The following TBC1D5 variants were observed in gnomAD, a reference collection of about 807,000 sequenced individuals.
The protein encoded by TBC1D5 is TBC1 domain family member 5, also known as TBC1 domain family, member 5.
TBC1D5 carries 75 observed loss-of-function variants against 100.3 expected under a neutral mutation model. The ratio of observed to expected loss-of-function variants is 0.75; its 90% CI spans 0.62 to 0.91. The LOEUF (loss-of-function observed/expected upper bound fraction) is 0.91. TBC1D5 is among the 40% of genes least tolerant of loss of function. The probability of loss-of-function intolerance (pLI) is 0.00; values close to 1 mark genes in which losing one functional copy is unlikely to be tolerated. For missense variants in TBC1D5, 910 were observed against 942.4 expected (o/e 0.97, Z 0.45); for synonymous variants, 323 against 325.6 (o/e 0.99, Z 0.09).
At chr3:17,560,148 C>T (rs770300722) in intron 2 of TBC1D5, among the ~76,000 whole-genome samples, 3 of 152,096 alleles carry the variant, frequency 2.0e-5, no homozygotes, top group Non-Finnish European at 4.4e-5. Flanking sequence ...TCTGACTGTA[C>T]CTGCCAACTT....
At chr3:17,625,984 T>C (rs1007310920) in intron 1 of TBC1D5, among the ~76,000 whole-genome samples, 2 of 152,178 alleles carry the variant, frequency 1.3e-5, no homozygotes, top group Non-Finnish European at 2.9e-5. Context: ...ATTATTTTAA[T>C]GTCGGGCACC....
chr3:17,483,993 G>T (rs1295096124), intron 3 of TBC1D5, among the ~76,000 whole-genome samples: 2 of 152,092 alleles, frequency 1.3e-5, no homozygotes, highest in East Asian at 1.9e-4. Context: ...TATCTTCAAA[G>T]AATTCTCTCA....
At chr3:17,240,068 T>A (rs2076183695) in intron 16 of TBC1D5, among the ~76,000 whole-genome samples, 2 of 152,226 alleles carry the variant, frequency 1.3e-5, no homozygotes, top group South Asian at 4.1e-4. Context: ...ATGGTAATTC[T>A]ACCTTTTATA....
In TBC1D5 at chr3:17,354,917, T is replaced by C. The variant is rs376404730; in HGVS notation, c.995+17158A>G. On this transcript the variant is annotated intron_variant, in intron 13 of 21. Transcript: ENST00000253692. Reference sequence around the variant, plus strand: ...ACGGACAAATTCAGTATGCATACAATTTGTGAGAATAGAAATTTGTTGTTG... The same window carrying C: ...ACGGACAAATTCAGTATGCATACAACTTGTGAGAATAGAAATTTGTTGTTG... 1.0e-3 allele frequency among the ~76,000 whole-genome samples: 156 copies of C among 152,118 alleles called. 2 individuals are homozygous for C. The South Asian group carries it at 0.018, about 18-fold the overall frequency.
chr3:17,478,623 T>C lies in TBC1D5; in HGVS notation c.97+29851A>G, dbSNP rs138482665. 6.6e-5 allele frequency among the ~76,000 whole-genome samples: 10 copies of C among 152,336 alleles called. No homozygotes were observed. The East Asian group carries it at 1.7e-3, about 26-fold the overall frequency. ...ATTGTTCACTGCTAGTATACAAAAA[T>C]ACAATTTTTGCTACCTCTAACAATT... is the stretch of plus-strand genomic sequence containing the variant. On this transcript the variant is annotated intron_variant, in intron 3 of 21. Transcript: ENST00000253692.
intron 15 of TBC1D5, among the ~76,000 whole-genome samples, chr3:17,277,607 G>C (rs780954380): frequency 3.3e-5 from 5 of 152,174 alleles, no homozygotes; most frequent in Non-Finnish European, 5.9e-5. Context: ...AAGGGTAATC[G>C]AGCTGAAATG....
chr3:17,263,188 C>T (rs2078494589), intron 15 of TBC1D5, among the ~76,000 whole-genome samples: 1 of 151,470 alleles, frequency 6.6e-6, no homozygotes, highest in South Asian at 2.1e-4. Context: ...TCGGTGACTG[C>T]GAGATCCTAT....
intron 15 of TBC1D5, among the ~76,000 whole-genome samples, chr3:17,286,689 C>G (rs2081225643): frequency 6.6e-6 from 1 of 152,190 alleles, no homozygotes; most frequent in African/African-American, 2.4e-5. Flanking sequence ...GGGCCACTTA[C>G]ATATATGGCA....
exon 6 of TBC1D5, chr3:17,404,953 A>G: frequency 6.3e-7 from 1 of 1,583,092 alleles, no homozygotes; most frequent in Non-Finnish European, 8.6e-7. Context: ...GAAGAACACA[A>G]AGAAATAGCT....
In TBC1D5 at chr3:17,690,459, G is replaced by A. The variant is rs1488218299; in HGVS notation, c.-101+48884C>T. ...TCTCGATCTCCTGACCTCGTGATCC[G>A]CCCGCCTCGGCCTCCCAAAGTGCTG... On this transcript the variant is annotated intron_variant, in intron 1 of 21. Transcript: ENST00000253692. 2.0e-4 allele frequency among the ~76,000 whole-genome samples: 6 copies of A among 30,370 alleles called. 2 individuals are homozygous for A. Among genetic ancestry groups the A allele is most frequent in the African/African-American group, 4.9e-4 (5 of 10,274 alleles). 19.9% of individuals were successfully genotyped at this position (30,370 alleles called of 152,430 possible).
chr3:17,224,705 A>C (rs1307417480), intron 17 of TBC1D5, among the ~76,000 whole-genome samples: 4 of 152,226 alleles, frequency 2.6e-5, no homozygotes, highest in African/African-American at 9.6e-5. Flanking sequence ...TGCTTTAATA[A>C]GTTAGCTTAT....
intron 15 of TBC1D5, among the ~76,000 whole-genome samples, chr3:17,288,280 C>G (rs751531210): frequency 1.3e-5 from 2 of 152,162 alleles, no homozygotes; most frequent in African/African-American, 4.8e-5. Flanking sequence ...TCTCACTTTA[C>G]TTTTGCAGCA....
chr3:17,387,546 G>A (rs561558644), intron 8 of TBC1D5, among the ~76,000 whole-genome samples: 2 of 151,946 alleles, frequency 1.3e-5, no homozygotes, highest in South Asian at 2.1e-4. Flanking sequence ...TAAGAAATGT[G>A]GGAGAAAAAG....
At chr3:17,734,016 A>G (rs547452157) in intron 1 of TBC1D5, among the ~76,000 whole-genome samples, 75 of 152,294 alleles carry the variant, frequency 4.9e-4, no homozygotes, top group African/African-American at 1.7e-3. Context: ...TCAAAAAAAA[A>G]TGAAAAGTAA....
intron 16 of TBC1D5, among the ~76,000 whole-genome samples, chr3:17,238,760 T>A (rs2076079371): frequency 6.6e-6 from 1 of 152,094 alleles, no homozygotes; most frequent in Admixed American, 6.6e-5. Flanking sequence ...AATCAAATAA[T>A]CACATAAATA....
At chr3:17,450,844 A>G (rs2094909464) in intron 3 of TBC1D5, among the ~76,000 whole-genome samples, 1 of 152,234 alleles carries the variant, frequency 6.6e-6, no homozygotes, top group Non-Finnish European at 1.5e-5. Flanking sequence ...TCCCCAACCT[A>G]GCAAGACAGG....
chr3:17,455,512 G>GTA (rs371306249), intron 3 of TBC1D5, among the ~76,000 whole-genome samples: 6,234 of 128,770 alleles, frequency 0.048, 169 homozygotes, highest in Non-Finnish European at 0.066. Flanking sequence ...ATGTGTGTGT[G>GTA]TATATATATA....
At position 17,273,217 on chromosome 3, in the gene TBC1D5, T is replaced by C. The variant is rs188657441; in HGVS notation, c.1246-14626A>G. 9.2e-5 allele frequency among the ~76,000 whole-genome samples: 14 copies of C among 152,266 alleles called. No homozygotes were observed. In the East Asian group the frequency reaches 2.5e-3, roughly 27 times the overall value. ...CTACCCTCAGGCAATTATAATTCTG[T>C]CTTCTTACAGTTTTCCCACATTCTG... On this transcript the variant is annotated intron_variant, in intron 15 of 21. Transcript: ENST00000253692.
chr3:17,710,866 T>G (rs1192965689), intron 1 of TBC1D5, among the ~76,000 whole-genome samples: 1 of 151,916 alleles, frequency 6.6e-6, no homozygotes, highest in African/African-American at 2.4e-5. Context: ...CCCAGCTAAT[T>G]TTTGTATTTT....
Sources: allele counts gnomAD v4.1 joint callset (sites outside exome capture counted in the v4.1 genomes callset), GRCh38; gene constraint gnomAD v4.1.1; transcripts MANE v1.5; gene names NCBI Gene and HGNC (gene_info 2026-07-23, HGNC 2026-07-21).